SYT16: variants seen among roughly 807,000 people sequenced by gnomAD.
SYT16 encodes synaptotagmin-16.
Under a neutral mutation model 61.4 loss-of-function variants are expected in SYT16, and 42 were observed. The observed-to-expected ratio is 0.68, with a 90% CI of 0.53 to 0.89. SYT16 has a LOEUF of 0.89. Ranked by LOEUF, SYT16 falls within the 40% of genes least tolerant of loss-of-function variation. The probability of loss-of-function intolerance (pLI) is 0.00; values close to 1 mark genes in which losing one functional copy is unlikely to be tolerated. For synonymous variants in SYT16, 314 were observed against 302.3 expected, an observed-to-expected ratio of 1.04 and a Z score of -0.40; for missense variants, 804 against 807.3, an observed-to-expected ratio of 1.00 and a Z score of 0.05.
chr14:61,858,972 A>G (rs542479687), intron 1 of SYT16, among the ~76,000 whole-genome samples: 1 of 149,872 alleles, frequency 6.7e-6, no homozygotes, highest in Non-Finnish European at 1.5e-5. Flanking sequence ...CTCCTGCCTC[A>G]GCCTCCCGAG....
rs1437511769 is a variant in SYT16 at position 62,103,971 on chromosome 14, TG to T, written c.*3265del. 6.6e-6 allele frequency: 1 copy of T among 152,220 alleles called. No homozygotes were observed. Among genetic ancestry groups the T allele is most frequent in the Non-Finnish European group, 1.5e-5 (1 of 68,044 alleles). The allele number at this position is 152,220 out of a possible 1,614,324, so 9.4% of individuals were successfully genotyped here. On this transcript the variant is annotated 3_prime_UTR_variant, in exon 8 of 8. Transcript: ENST00000683842. Reference sequence around the variant, plus strand: ...TGAAACACAGCTTCTGCCTTTTCAATGTGTAGATTTCATGATATTTTACAAA... The same window carrying T: ...TGAAACACAGCTTCTGCCTTTTCAATTGTAGATTTCATGATATTTTACAAA...
At chr14:62,029,780 GAA>G (rs35272199) in intron 3 of SYT16, among the ~76,000 whole-genome samples, 7,116 of 145,930 alleles carry the variant, frequency 0.049, 295 homozygotes, top group African/African-American at 0.12. Flanking sequence ...AGTCTAGTTG[GAA>G]AAAAAAAAAA....
intron 3 of SYT16, among the ~76,000 whole-genome samples, chr14:62,051,729 T>A (rs8017536): frequency 0.068 from 10,379 of 152,290 alleles, 961 homozygotes; most frequent in African/African-American, 0.21. Flanking sequence ...ATCTTGTTAG[T>A]GGCTTATTGT....
In SYT16 at chr14:61,823,655, G is replaced by A. The variant is rs538094504; in HGVS notation, c.-325+10845G>A. Among the ~76,000 whole-genome samples, 4 of 152,176 alleles carry A rather than the reference G, an allele frequency of 2.6e-5. No homozygotes were observed. The East Asian group carries it at 7.7e-4, about 29-fold the overall frequency. ...TAACCCTAGGTACTCGGGAGGATGA[G>A]GCAGGAGAATCGCTTGAGCCTGGGA... On this transcript the variant is annotated intron_variant, in intron 1 of 7. Transcript: ENST00000683842.
At chr14:62,004,683 C>T (rs187758299) in intron 3 of SYT16, among the ~76,000 whole-genome samples, 3 of 152,264 alleles carry the variant, frequency 2.0e-5, no homozygotes, top group Non-Finnish European at 4.4e-5. Flanking sequence ...AAAAGACGTG[C>T]CATGAAGAGT....
Position 62,101,738 on chromosome 14 carries a change from A to G in SYT16, c.*1031A>G, listed in dbSNP as rs1027980869. Reference sequence around the variant, plus strand: ...AGTGAACATGTTATAACACCTGTGAATGGAGAAATATTTTCAGCTTGTGTG... The same window carrying G: ...AGTGAACATGTTATAACACCTGTGAGTGGAGAAATATTTTCAGCTTGTGTG... On this transcript the variant is annotated 3_prime_UTR_variant, in exon 8 of 8. Transcript: ENST00000683842. 2.6e-5 allele frequency: 4 copies of G among 152,208 alleles called. No homozygotes were observed. The highest frequency in any genetic ancestry group is 9.6e-5 in the African/African-American group (4 of 41,452). 9.4% of individuals were successfully genotyped at this position (152,208 alleles called of 1,614,324 possible).
At chr14:62,067,544 G>A (rs988263420) in intron 3 of SYT16, among the ~76,000 whole-genome samples, 1 of 152,192 alleles carries the variant, frequency 6.6e-6, no homozygotes, top group Non-Finnish European at 1.5e-5. Context: ...TGGGAAAAGT[G>A]TATGAATAAT....
intron 4 of SYT16, among the ~76,000 whole-genome samples, chr14:62,070,220 C>T (rs1369566835): frequency 6.6e-6 from 1 of 152,200 alleles, no homozygotes; most frequent in Non-Finnish European, 1.5e-5. Context: ...AATAAGTTTT[C>T]CACATATCTG....
Position 61,845,045 on chromosome 14 carries a change from T to G in SYT16, c.-325+32235T>G, listed in dbSNP as rs200686696. On this transcript the variant is annotated intron_variant, in intron 1 of 7. Transcript: ENST00000683842. ...GCTTTTCTTTACTAGAAGACTTTTT[T>G]TTTTTTTTTTTTTTTTTTTTGAGAT... Among the ~76,000 whole-genome samples, 681 of 114,674 alleles carry G rather than the reference T, an allele frequency of 5.9e-3. 3 individuals are homozygous for G. Among genetic ancestry groups the G allele is most frequent in the Non-Finnish European group, 7.8e-3 (405 of 51,940 alleles). The allele number at this position is 114,674 out of a possible 152,430, so 75.2% of individuals were successfully genotyped here.
At chr14:61,937,347 G>A (rs747243378) in intron 1 of SYT16, among the ~76,000 whole-genome samples, 4 of 152,210 alleles carry the variant, frequency 2.6e-5, no homozygotes, top group African/African-American at 4.8e-5. Flanking sequence ...AAGAAAAGGC[G>A]ATCCTTTGCC....
At chr14:61,844,566 C>T (rs901803592) in intron 1 of SYT16, among the ~76,000 whole-genome samples, 2 of 151,922 alleles carry the variant, frequency 1.3e-5, no homozygotes, top group African/African-American at 4.8e-5. Context: ...TCCTCTATAC[C>T]CATTTTTTTA....
intron 1 of SYT16, among the ~76,000 whole-genome samples, chr14:61,818,619 A>C (rs1252189156): frequency 1.3e-5 from 2 of 149,980 alleles, no homozygotes; most frequent in African/African-American, 4.9e-5. Flanking sequence ...CGGAGGTTGC[A>C]GTGAGCCGAG....
intron 1 of SYT16, among the ~76,000 whole-genome samples, chr14:61,917,008 G>C (rs2049146677): frequency 6.6e-6 from 1 of 152,092 alleles, no homozygotes; most frequent in Non-Finnish European, 1.5e-5. Flanking sequence ...CACTTAGGTT[G>C]ATTTTATATT....
chr14:62,062,245 A>T (rs1173860191), intron 3 of SYT16, among the ~76,000 whole-genome samples: 1 of 152,118 alleles, frequency 6.6e-6, no homozygotes, highest in African/African-American at 2.4e-5. Context: ...CTTACTAGCT[A>T]TTTGATTGTA....
chr14:62,060,773 A>G (rs2055792640), intron 3 of SYT16, among the ~76,000 whole-genome samples: 4 of 152,080 alleles, frequency 2.6e-5, no homozygotes, highest in Admixed American at 2.6e-4. Flanking sequence ...ATATTGGCAT[A>G]TGATTTTCTA....
intron 1 of SYT16, among the ~76,000 whole-genome samples, chr14:61,813,281 C>G (rs2140199300): frequency 6.6e-6 from 1 of 152,354 alleles, no homozygotes; most frequent in Non-Finnish European, 1.5e-5. Flanking sequence ...CAGCGGGCAG[C>G]ACAAGGCCGG....
chr14:62,049,553 T>G (rs1242221478), intron 3 of SYT16, among the ~76,000 whole-genome samples: 2 of 152,238 alleles, frequency 1.3e-5, no homozygotes, highest in African/African-American at 2.4e-5. Flanking sequence ...CGTTAGTTGA[T>G]GCAGTTTCTT....
intron 1 of SYT16, among the ~76,000 whole-genome samples, chr14:61,882,765 A>G (rs1316136930): frequency 6.6e-6 from 1 of 152,250 alleles, no homozygotes; most frequent in Non-Finnish European, 1.5e-5. Context: ...TAAAATTGAA[A>G]GCAAGTTAGT....
chr14:62,014,453 C>G (rs1049977868), intron 3 of SYT16, among the ~76,000 whole-genome samples: 1 of 151,728 alleles, frequency 6.6e-6, no homozygotes, highest in East Asian at 2.0e-4. Context: ...TATGCATCCT[C>G]TTCTGCTTGG....
Sources: gnomAD v4.1 joint callset for allele counts (sites outside exome capture counted in the v4.1 genomes callset) on GRCh38, gnomAD v4.1.1 for gene constraint, MANE v1.5 for transcripts, NCBI Gene and HGNC (gene_info 2026-07-23, HGNC 2026-07-21) for gene names.